The following FAM135B variants were observed in gnomAD, a reference collection of about 807,000 sequenced individuals.
The protein encoded by FAM135B is protein FAM135B.
In FAM135B, 43 loss-of-function variants were observed where a neutral mutation model predicts 127.7. That is an observed-to-expected ratio of 0.34 (90% CI 0.26 to 0.43). The LOEUF (loss-of-function observed/expected upper bound fraction) is 0.43. Ranked by LOEUF, FAM135B falls within the 20% of genes least tolerant of loss-of-function variation. The pLI is 1.00. For missense variants in FAM135B, 1,558 were observed against 1,725.6 expected (o/e 0.90, Z 1.72); for synonymous variants, 670 against 665.1 (o/e 1.01, Z -0.11).
intron 2 of FAM135B, among the ~76,000 whole-genome samples, chr8:138,360,972 C>A (rs1830385321): frequency 6.6e-6 from 1 of 150,612 alleles, no homozygotes; most frequent in South Asian, 2.1e-4. Flanking sequence ...GTTGCCCAGG[C>A]AGGAGTGCAG....
intron 1 of FAM135B, among the ~76,000 whole-genome samples, chr8:138,494,361 T>C (rs1038347412): frequency 6.6e-6 from 1 of 152,172 alleles, no homozygotes; most frequent in African/African-American, 2.4e-5. Flanking sequence ...CAAAGTCAGA[T>C]AGGGAGAGGC....
intron 7 of FAM135B, among the ~76,000 whole-genome samples, chr8:138,218,719 C>A (rs554521521): frequency 6.6e-6 from 1 of 151,318 alleles, no homozygotes; most frequent in East Asian, 2.0e-4. Flanking sequence ...CTCTAGAGAC[C>A]CTGTTCAATG....
chr8:138,490,851 A>G (rs1319722016), intron 1 of FAM135B, among the ~76,000 whole-genome samples: 6 of 152,334 alleles, frequency 3.9e-5, no homozygotes, highest in Admixed American at 2.6e-4. Context: ...CTAGAAGAGA[A>G]AGAAAAATAG....
chr8:138,300,718 A>G (rs1011730719), intron 3 of FAM135B, among the ~76,000 whole-genome samples: 1 of 95,236 alleles, frequency 1.1e-5, no homozygotes. Context: ...CCTCTTCAAT[A>G]TTTTCTTCCC....
Position 138,132,898 on chromosome 8 carries a change from AC to A in FAM135B, c.4016-101del. On this transcript the variant is annotated intron_variant, in intron 19 of 19. Transcript: ENST00000395297. This position sits in a 1 kb window ranked among gnomAD's most constrained non-coding sequence, Gnocchi z 4.5. Reference sequence around the variant, plus strand: ...GTGTCGAAATTCTGTTCCTGGGCAGACCTGTTATACAGCAGTTTCCAACCTC... The same window carrying A: ...GTGTCGAAATTCTGTTCCTGGGCAGACTGTTATACAGCAGTTTCCAACCTC... 4.0e-6 allele frequency: 4 copies of A among 1,001,956 alleles called. No individual in the cohort carries two copies. The highest frequency in any genetic ancestry group is 1.8e-5 in the Admixed American group (1 of 55,526). 62.1% of individuals were successfully genotyped at this position (1,001,956 alleles called of 1,614,324 possible). A position where few individuals can be genotyped will look rare whatever the true frequency, so the allele number is the denominator to read the frequency against.
intron 5 of FAM135B, among the ~76,000 whole-genome samples, chr8:138,253,423 G>A (rs753305211): frequency 1.2e-4 from 18 of 152,060 alleles, no homozygotes; most frequent in Non-Finnish European, 2.2e-4. Flanking sequence ...GTGGGAGGGG[G>A]CACTGCTGAT....
At chr8:138,416,387 T>C (rs1834154928) in intron 1 of FAM135B, among the ~76,000 whole-genome samples, 1 of 152,196 alleles carries the variant, frequency 6.6e-6, no homozygotes. Flanking sequence ...TAAGACCTGT[T>C]GTTTTGCACA....
At chr8:138,234,819 A>T (rs1820146228) in intron 7 of FAM135B, among the ~76,000 whole-genome samples, 1 of 152,170 alleles carries the variant, frequency 6.6e-6, no homozygotes, top group South Asian at 2.1e-4. Flanking sequence ...GCCTTGGGGA[A>T]GTCCTCCAGG....
intron 2 of FAM135B, among the ~76,000 whole-genome samples, chr8:138,352,244 A>C (rs1167722302): frequency 6.6e-6 from 1 of 152,160 alleles, no homozygotes; most frequent in East Asian, 1.9e-4. Flanking sequence ...TTTTAATAAT[A>C]AGTAGGGGGT....
chr8:138,406,556 C>T (rs1487943382), intron 1 of FAM135B, among the ~76,000 whole-genome samples: 1 of 152,054 alleles, frequency 6.6e-6, no homozygotes, highest in Non-Finnish European at 1.5e-5. Flanking sequence ...AAAAGCTTAT[C>T]CACCATGATC....
At chr8:138,226,184 T>TGTGTGTGCAC in intron 7 of FAM135B, among the ~76,000 whole-genome samples, 91 of 139,288 alleles carry the variant, frequency 6.5e-4, no homozygotes, top group African/African-American at 2.3e-3. Context: ...TGTGTGTGTG[T>TGTGTGTGCAC]GCGCGCATGT....
At chr8:138,313,956 T>C (rs1357391527) in intron 2 of FAM135B, among the ~76,000 whole-genome samples, 1 of 151,798 alleles carries the variant, frequency 6.6e-6, no homozygotes, top group South Asian at 2.1e-4. Context: ...AAAACAAGTA[T>C]CCCTTTTGCA....
chr8:138,375,102 C>G (rs1236831058), intron 1 of FAM135B, among the ~76,000 whole-genome samples: 2 of 152,104 alleles, frequency 1.3e-5, no homozygotes, highest in African/African-American at 4.8e-5. Flanking sequence ...TCTGAGCCTG[C>G]TGCTGCATCT....
intron 3 of FAM135B, among the ~76,000 whole-genome samples, chr8:138,279,982 A>C (rs994259395): frequency 6.6e-6 from 1 of 152,216 alleles, no homozygotes; most frequent in Non-Finnish European, 1.5e-5. Flanking sequence ...CTGAAAACTC[A>C]TGCAACCAAT....
chr8:138,418,519 G>GA (rs71316343), intron 1 of FAM135B, among the ~76,000 whole-genome samples: 10,143 of 146,494 alleles, frequency 0.069, 776 homozygotes, highest in East Asian at 0.26. Context: ...AGGTCAACAT[G>GA]AAAAAAAAAA....
At chr8:138,314,480 T>C (rs1826922927) in intron 2 of FAM135B, among the ~76,000 whole-genome samples, 1 of 151,274 alleles carries the variant, frequency 6.6e-6, no homozygotes, top group African/African-American at 2.4e-5. Flanking sequence ...GCAAGAAAAA[T>C]TTCACCAAAG....
chr8:138,294,388 TTAAA>T lies in FAM135B; in HGVS notation c.157+16449_157+16452del, dbSNP rs1469091356. On this transcript the variant is annotated intron_variant, in intron 3 of 19. Coordinates refer to ENST00000395297, the MANE Select transcript of FAM135B (RefSeq NM_015912.4). Reference sequence around the variant, plus strand: ...AAAACCACCGTACCCCAAAAGCTACTTAAATAAAAAATATTTTTAAAATAAAATT... The same window carrying T: ...AAAACCACCGTACCCCAAAAGCTACTTAAAAAATATTTTTAAAATAAAATT... Among the ~76,000 whole-genome samples, 10 of 152,248 alleles carry T rather than the reference TTAAA, an allele frequency of 6.6e-5. No homozygotes were observed. The East Asian group carries it at 1.9e-3, about 29-fold the overall frequency.
rs1425400810 is a variant in FAM135B at position 138,242,456 on chromosome 8, G to T, written c.669+486C>A. ...ATTTAGTTAGCAGCTAGTGAGTATT[G>T]GATACCGGGCTAGGAACTTTACATT... On this transcript the variant is annotated intron_variant, in intron 7 of 19. Coordinates refer to ENST00000395297, the MANE Select transcript of FAM135B (RefSeq NM_015912.4). The surrounding 1 kb of genome is among the most constrained non-coding windows in gnomAD (Gnocchi z 9.6). Among the ~76,000 whole-genome samples, 2 of 152,024 alleles carry T rather than the reference G, an allele frequency of 1.3e-5. No homozygotes were observed. Among genetic ancestry groups the T allele is most frequent in the Non-Finnish European group, 2.9e-5 (2 of 68,016 alleles).
At chr8:138,309,026 A>G in intron 3 of FAM135B, 1 of 454,814 alleles carries the variant, frequency 2.2e-6, no homozygotes, top group Non-Finnish European at 4.4e-6. Context: ...ATGTATATTT[A>G]GAACCTCTGT....
Sources: gnomAD v4.1 joint callset for allele counts (sites outside exome capture counted in the v4.1 genomes callset) on GRCh38, gnomAD v4.1.1 for gene constraint, Gnocchi (gnomAD v3.1) non-coding constraint, MANE v1.5 for transcripts, NCBI Gene and HGNC (gene_info 2026-07-23, HGNC 2026-07-21) for gene names.